Variants in HAUS7 observed in about 807,000 individuals in gnomAD.
HAUS7 encodes the protein HAUS augmin like complex subunit 7, also known as HAUS augmin-like complex subunit 7.
A neutral mutation model predicts 28.4 loss-of-function variants in HAUS7; 3 were observed. That is an observed-to-expected ratio of 0.11 (90% CI 0.05 to 0.27). The LOEUF (loss-of-function observed/expected upper bound fraction) is 0.27, where lower values mean the gene tolerates loss of function less well. Ranked by LOEUF, HAUS7 falls within the 10% of genes least tolerant of loss-of-function variation. HAUS7 has a pLI of 1.00. For missense variants in HAUS7, 284 were observed against 297.3 expected (o/e 0.96, Z 0.33); for synonymous variants, 165 against 132.1 (o/e 1.25, Z -1.71).
intron 1 of HAUS7, among the ~76,000 whole-genome samples, chrX:153,492,799 C>T (rs963534933): frequency 4.5e-5 from 5 of 111,331 alleles, no homozygotes; most frequent in African/African-American, 1.6e-4. Context: ...TGCTCCAGGT[C>T]ACCTCCTCCA....
chrX:153,467,952 T>C (rs1399227703), intron 2 of HAUS7, among the ~76,000 whole-genome samples: 1 of 112,298 alleles, frequency 8.9e-6, no homozygotes, highest in African/African-American at 3.2e-5. Flanking sequence ...CTTTGCGGGC[T>C]GTACAGGAGG....
upstream of HAUS7, among the ~76,000 whole-genome samples, chrX:153,473,271 AAGC>A (rs1448425412): frequency 1.2e-4 from 14 of 112,866 alleles, no homozygotes; most frequent in African/African-American, 4.5e-4. Context: ...GAATCAAAGG[AAGC>A]TGAAGTCCAA....
intron 1 of HAUS7, chrX:153,482,199 C>T (rs1397293443): frequency 2.0e-6 from 1 of 507,804 alleles, no homozygotes; most frequent in Non-Finnish European, 2.4e-6. Context: ...TCAGTGGGAA[C>T]TAGGAAGCCA....
At chrX:153,463,731 G>C (rs1407639297) in intron 3 of HAUS7, among the ~76,000 whole-genome samples, 2 of 112,692 alleles carry the variant, frequency 1.8e-5, no homozygotes, top group East Asian at 5.6e-4. Context: ...CCTCCTTCTT[G>C]TGCCTCCAAG....
chrX:153,470,776 G>T (rs1324075601), upstream of HAUS7: 8 of 492,656 alleles, frequency 1.6e-5, no homozygotes, highest in Non-Finnish European at 2.7e-5. Flanking sequence ...CGGGCAGGGC[G>T]GACACAGGGA....
upstream of HAUS7, among the ~76,000 whole-genome samples, chrX:153,471,988 T>G (rs782296457): frequency 5.3e-5 from 6 of 112,202 alleles, no homozygotes; most frequent in Non-Finnish European, 1.1e-4. Context: ...TTTCTTTCTT[T>G]CTTTTTAGAA....
rs782805432 is a variant in HAUS7 at position 153,485,984 on chromosome X, C to T, written c.-589+9390G>A. On this transcript the variant is annotated intron_variant, in intron 1 of 5. Transcript: ENST00000370210. ...CCACAGCGTGTCCTTCCTGGGCCTG[C>T]GCGCCTCGCTGGCGGAGCTGCTCCT... 1,611 of 978,904 alleles carry T rather than the reference C, an allele frequency of 1.6e-3. 1 individual carries two copies. Among genetic ancestry groups the T allele is most frequent in the Middle Eastern group, 8.0e-3 (26 of 3,243 alleles). 80.7% of individuals were successfully genotyped at this position (978,904 alleles called of 1,213,427 possible).
At chrX:153,455,945 GC>G (rs2089302156) in intron 7 of HAUS7, among the ~76,000 whole-genome samples, 179 bp from the exon 8 acceptor site, 1 of 112,096 alleles carries the variant, frequency 8.9e-6, no homozygotes, top group African/African-American at 3.2e-5. Context: ...CCCAGCCTCA[GC>G]CCCCTCACTC....
intron 1 of HAUS7, among the ~76,000 whole-genome samples, chrX:153,488,097 C>A (rs782658571): frequency 8.9e-6 from 1 of 112,899 alleles, no homozygotes; most frequent in East Asian, 2.8e-4. Context: ...TGAAGGATGC[C>A]GCAGGAGAGG....
intron 3 of HAUS7, among the ~76,000 whole-genome samples, chrX:153,463,913 G>A (rs1422249017): frequency 8.9e-6 from 1 of 112,787 alleles, no homozygotes; most frequent in Non-Finnish European, 1.9e-5. Flanking sequence ...TCGCTGGCAG[G>A]TGCATGAACA....
intron 7 of HAUS7, 67 bp downstream of exon 7, chrX:153,456,198 G>C (rs2089306256): frequency 2.4e-6 from 2 of 850,705 alleles, no homozygotes; most frequent in Admixed American, 2.3e-5. Flanking sequence ...AGCCTCACGT[G>C]CTGAGGGAGG....
intron 1 of HAUS7, among the ~76,000 whole-genome samples, chrX:153,476,429 T>A (rs1485781688): frequency 8.9e-6 from 1 of 111,903 alleles, no homozygotes; most frequent in Non-Finnish European, 1.9e-5. Context: ...AGGCTACCAA[T>A]CTGAGTCCCA....
At chrX:153,484,155 C>T (rs879978379) in intron 1 of HAUS7, among the ~76,000 whole-genome samples, 5 of 111,836 alleles carry the variant, frequency 4.5e-5, no homozygotes, top group Non-Finnish European at 9.4e-5. Context: ...TGCACGTGGC[C>T]GTCTCCCCTG....
At chrX:153,474,870 C>G (rs1556985984), upstream of HAUS7, among the ~76,000 whole-genome samples, 1 of 111,475 alleles carries the variant, frequency 9.0e-6, no homozygotes, top group African/African-American at 3.2e-5. Context: ...CGGCGGCGGG[C>G]GGGATCGCCC....
At chrX:153,492,374 G>A (rs1410668493) in intron 1 of HAUS7, among the ~76,000 whole-genome samples, 3 of 111,810 alleles carry the variant, frequency 2.7e-5, no homozygotes, top group Admixed American at 9.3e-5. Flanking sequence ...TGTCTGGTCT[G>A]GGAGTGGCCC....
intron 9 of HAUS7, among the ~76,000 whole-genome samples, chrX:153,451,955 T>A (rs1396409429): frequency 8.9e-6 from 1 of 111,952 alleles, no homozygotes; most frequent in Non-Finnish European, 1.9e-5. Flanking sequence ...TGACGACACA[T>A]TTACAAAGCT....
intron 1 of HAUS7, among the ~76,000 whole-genome samples, chrX:153,484,056 G>A (rs2089619667): frequency 8.9e-6 from 1 of 112,173 alleles, no homozygotes; most frequent in African/African-American, 3.2e-5. Context: ...CTAGATGTTA[G>A]GGGGCCGTGC....
At chrX:153,464,228 G>A (rs2980035) in intron 3 of HAUS7, among the ~76,000 whole-genome samples, 1 of 111,317 alleles carries the variant, frequency 9.0e-6, no homozygotes, top group African/African-American at 3.3e-5. Context: ...GGCTGGGCTG[G>A]GTCGGGTCAC....
At chrX:153,452,020 A>G (rs1489792435) in intron 9 of HAUS7, among the ~76,000 whole-genome samples, 1 of 112,656 alleles carries the variant, frequency 8.9e-6, no homozygotes, top group Non-Finnish European at 1.9e-5. Context: ...ACAGATTATA[A>G]TCAAACTGTC....
Sources: gnomAD v4.1 joint callset for allele counts (sites outside exome capture counted in the v4.1 genomes callset) on GRCh38, gnomAD v4.1.1 for gene constraint, MANE v1.5 for transcripts, NCBI Gene and HGNC (gene_info 2026-07-23, HGNC 2026-07-21) for gene names.